CFTR: variants seen among roughly 807,000 people sequenced by gnomAD.
The protein encoded by CFTR is cystic fibrosis transmembrane conductance regulator.
CFTR carries 181 observed loss-of-function variants against 171.6 expected under a neutral mutation model. That is an observed-to-expected ratio of 1.05 (90% CI 0.93 to 1.19). The LOEUF is 1.19. Among genes scored for constraint, CFTR ranks in the 50% most tolerant of loss-of-function variants. The pLI, the probability that CFTR is intolerant of heterozygous loss-of-function variation, is 0.00. For synonymous variants in CFTR, 583 were observed against 608.0 expected, an observed-to-expected ratio of 0.96 and a Z score of 0.60; for missense variants, 1,968 against 1,734.7, an observed-to-expected ratio of 1.13 and a Z score of -2.39.
chr7:117,630,191 C>T (rs1792720676), intron 22 of CFTR, among the ~76,000 whole-genome samples: 2 of 152,150 alleles, frequency 1.3e-5, no homozygotes, highest in Admixed American at 1.3e-4. Flanking sequence ...ATTCTATAAT[C>T]TTTATTCTTG....
At position 117,667,158 on chromosome 7, in the gene CFTR, C is replaced by T. The variant is rs1423646545; in HGVS notation, c.*50C>T. On this transcript the variant is annotated 3_prime_UTR_variant, in exon 27 of 27. Transcript: ENST00000003084. ...GACATTTGCTCATGGAATTGGAGCT[C>T]GTGGGACAGTCACCTCATGGAATTG... is the stretch of plus-strand genomic sequence containing the variant. 12 of 1,515,732 alleles carry T rather than the reference C, an allele frequency of 7.9e-6. No individual in the cohort carries two copies. The highest frequency in any genetic ancestry group is 1.1e-5 in the South Asian group (1 of 87,246). 93.9% of individuals were successfully genotyped at this position (1,515,732 alleles called of 1,614,324 possible). A position where few individuals can be genotyped will look rare whatever the true frequency, so the allele number is the denominator to read the frequency against.
Position 117,606,421 on chromosome 7 carries a change from T to A in CFTR, c.2909-253T>A, listed in dbSNP as rs541233378. Among the ~76,000 whole-genome samples the A allele has an allele frequency of 2.0e-5, 3 of 152,306 alleles. No individual in the cohort carries two copies. The East Asian group carries it at 5.8e-4, about 29-fold the overall frequency. ...ATAGTAAAAGCTATTTCAGAGAAAT[T>A]GGTCGTTACTTGAATCTTACAAGAA... On this transcript the variant is annotated intron_variant, in intron 17 of 26. Transcript: ENST00000003084.
chr7:117,540,655 C>T (rs941812478), intron 8 of CFTR, among the ~76,000 whole-genome samples: 3 of 152,116 alleles, frequency 2.0e-5, no homozygotes, highest in African/African-American at 7.2e-5. Context: ...TTATACAAAG[C>T]TAATTGGATA....
intron 11 of CFTR, among the ~76,000 whole-genome samples, chr7:117,560,533 C>T (rs1246912543): frequency 6.6e-6 from 1 of 151,750 alleles, no homozygotes; most frequent in Non-Finnish European, 1.5e-5. Flanking sequence ...AATACAGTAT[C>T]CAAAAAAATG....
At position 117,501,799 on chromosome 7, in the gene CFTR, GCAAA is replaced by G. The variant is rs200270442; in HGVS notation, c.54-2445_54-2442del. The stretch of plus-strand genomic sequence containing the variant: ...AACAAAAAAAAAAAAAAAACAAAAA[GCAAA>G]CAAACAAAAAAACAAAAATTATCAC... On this transcript the variant is annotated intron_variant, in intron 1 of 26. Coordinates refer to ENST00000003084, the MANE Select transcript of CFTR (RefSeq NM_000492.4). 3.4e-3 allele frequency among the ~76,000 whole-genome samples: 260 copies of G among 75,662 alleles called. 2 individuals carry two copies. The highest frequency in any genetic ancestry group is 9.4e-3 in the African/African-American group (234 of 24,844). 49.6% of individuals were successfully genotyped at this position (75,662 alleles called of 152,430 possible).
chr7:117,512,318 T>A (rs1195429884), intron 3 of CFTR, among the ~76,000 whole-genome samples: 1 of 152,152 alleles, frequency 6.6e-6, no homozygotes, highest in Non-Finnish European at 1.5e-5. Context: ...GATGCAACAT[T>A]GTCTTTAACA....
chr7:117,497,129 C>T (rs537582487), intron 1 of CFTR, among the ~76,000 whole-genome samples: 1 of 152,108 alleles, frequency 6.6e-6, no homozygotes, highest in East Asian at 1.9e-4. Flanking sequence ...GTGTCACAAT[C>T]CTAATTTTAA....
chr7:117,578,048 CAT>C (rs1791796799), intron 11 of CFTR, among the ~76,000 whole-genome samples: 1 of 152,186 alleles, frequency 6.6e-6, no homozygotes, highest in East Asian at 1.9e-4. Context: ...TGCACATATA[CAT>C]ATATACACTT....
intron 24 of CFTR, among the ~76,000 whole-genome samples, chr7:117,663,434 G>C (rs956124197): frequency 6.7e-6 from 1 of 148,946 alleles, no homozygotes; most frequent in African/African-American, 2.5e-5. Context: ...ACTTTAATGA[G>C]AAACCAACCA....
At chr7:117,530,699 T>A (rs1422063405) in intron 3 of CFTR, among the ~76,000 whole-genome samples, 200 bp from the exon 4 acceptor site, 1 of 152,164 alleles carries the variant, frequency 6.6e-6, no homozygotes, top group Non-Finnish European at 1.5e-5. Context: ...TGTCTCCCAC[T>A]GTTGCTATAA....
chr7:117,615,121 C>T (rs896898539), intron 21 of CFTR, among the ~76,000 whole-genome samples: 2 of 152,206 alleles, frequency 1.3e-5, no homozygotes, highest in East Asian at 1.9e-4. Context: ...CACTTGGTGT[C>T]TGGTAGATGT....
In CFTR at chr7:117,627,457, C is replaced by A. The variant is rs213989; in HGVS notation, c.3469-65C>A. Reference sequence around the variant, plus strand: ...ATTTTACAAGTTATTTTTTAGGAAGCATCAAACTAATTGTGAAATTGTCTG... The same window carrying A: ...ATTTTACAAGTTATTTTTTAGGAAGAATCAAACTAATTGTGAAATTGTCTG... On this transcript the variant is annotated intron_variant, in intron 21 of 26. Coordinates refer to ENST00000003084, the MANE Select transcript of CFTR (RefSeq NM_000492.4). 295,078 of 1,543,244 alleles carry A rather than the reference C, an allele frequency of 0.19. 29,570 individuals are homozygous for A. The highest frequency in any genetic ancestry group is 0.22 in the South Asian group (19,118 of 87,918).
chr7:117,531,677 T>G (rs1428426404), intron 4 of CFTR, among the ~76,000 whole-genome samples: 6 of 152,160 alleles, frequency 3.9e-5, no homozygotes, highest in Non-Finnish European at 8.8e-5. Context: ...TTTCTGCATG[T>G]ATTGTCCAGA....
intron 23 of CFTR, among the ~76,000 whole-genome samples, chr7:117,646,960 A>C (rs1793003968): frequency 6.6e-6 from 1 of 152,222 alleles, no homozygotes; most frequent in African/African-American, 2.4e-5. Flanking sequence ...GTAATTTTAG[A>C]GGAAACAATA....
chr7:117,512,936 G>C (rs1278988052), intron 3 of CFTR, among the ~76,000 whole-genome samples: 1 of 152,046 alleles, frequency 6.6e-6, no homozygotes, highest in Non-Finnish European at 1.5e-5. Flanking sequence ...AAAATTAAAG[G>C]ACATACAGGA....
chr7:117,603,137 C>T (rs141480055), intron 16 of CFTR, among the ~76,000 whole-genome samples: 37 of 151,918 alleles, frequency 2.4e-4, no homozygotes, highest in Admixed American at 7.9e-4. Flanking sequence ...GAGTAGCCAC[C>T]GCACTCCAGC....
chr7:117,630,128 C>T (rs1792719304), intron 22 of CFTR, among the ~76,000 whole-genome samples: 1 of 152,208 alleles, frequency 6.6e-6, no homozygotes, highest in Non-Finnish European at 1.5e-5. Context: ...TTTCACAGAC[C>T]TTCATTTGCC....
chr7:117,574,438 T>C (rs1410265355), intron 11 of CFTR, among the ~76,000 whole-genome samples: 2 of 152,108 alleles, frequency 1.3e-5, no homozygotes, highest in Non-Finnish European at 2.9e-5. Context: ...GTTATCCAAA[T>C]GTACACATTT....
At chr7:117,626,538 C>G (rs1020877413) in intron 21 of CFTR, among the ~76,000 whole-genome samples, 1 of 152,038 alleles carries the variant, frequency 6.6e-6, no homozygotes, top group Non-Finnish European at 1.5e-5. Flanking sequence ...GTCTAATCAG[C>G]TACTAATATC....
Sources: allele counts gnomAD v4.1 joint callset (sites outside exome capture counted in the v4.1 genomes callset), GRCh38; gene constraint gnomAD v4.1.1; transcripts MANE v1.5; gene names NCBI Gene and HGNC (gene_info 2026-07-23, HGNC 2026-07-21).